PCDHGA9: variants seen among roughly 807,000 people sequenced by gnomAD.
The protein encoded by PCDHGA9 is protocadherin gamma subfamily A, 9.
PCDHGA9 carries 37 observed loss-of-function variants against 62.5 expected under a neutral mutation model. The ratio of observed to expected loss-of-function variants is 0.59; its 90% CI spans 0.46 to 0.78. The LOEUF (loss-of-function observed/expected upper bound fraction) is 0.78. Among genes scored for constraint, PCDHGA9 ranks in the 30% least tolerant of loss-of-function variants. PCDHGA9 has a pLI of 0.00. For synonymous variants in PCDHGA9, 459 were observed against 484.6 expected (o/e 0.95, Z 0.69); for missense variants, 1,138 against 1,166.2 (o/e 0.98, Z 0.35).
chr5:141,402,842 A>G lies in PCDHGA9; in HGVS notation c.-111A>G. On this transcript the variant is annotated 5_prime_UTR_variant, in exon 1 of 4. Coordinates refer to ENST00000573521, the MANE Select transcript of PCDHGA9 (RefSeq NM_018921.3). Reference sequence around the variant, plus strand: ...CTGCTCCCAGGCTGCAGCAAAACTCAGCCTCTTTCTTCTAAGGAAAAGATC... The same window carrying G: ...CTGCTCCCAGGCTGCAGCAAAACTCGGCCTCTTTCTTCTAAGGAAAAGATC... The G allele has an allele frequency of 7.2e-7, 1 of 1,396,816 alleles. No homozygotes were observed. Among genetic ancestry groups the G allele is most frequent in the Non-Finnish European group, 9.4e-7 (1 of 1,064,526 alleles). 86.5% of individuals were successfully genotyped at this position (1,396,816 alleles called of 1,614,324 possible).
At chr5:141,422,640 C>T in intron 1 of PCDHGA9, 1 of 1,612,590 alleles carries the variant, frequency 6.2e-7, no homozygotes, top group South Asian at 1.1e-5. Flanking sequence ...GGGGTGCCTC[C>T]ATCTTCTCAG....
chr5:141,482,530 C>CAAAAAAAAAAAAAAAAAA (rs3074545), intron 1 of PCDHGA9, among the ~76,000 whole-genome samples: 1 of 76,562 alleles, frequency 1.3e-5, no homozygotes, highest in Non-Finnish European at 2.6e-5. Flanking sequence ...GACAGACATG[C>CAAAAAAAAAAAAAAAAAA]AAAAAAAAAA....
At chr5:141,497,464 TGGA>T (rs769464389) in intron 2 of PCDHGA9, among the ~76,000 whole-genome samples, 3 of 151,764 alleles carry the variant, frequency 2.0e-5, no homozygotes, top group Non-Finnish European at 4.4e-5. Context: ...CTTGGAGATA[TGGA>T]GGAGAAGGTG....
chr5:141,485,543 G>C lies in PCDHGA9; in HGVS notation c.2425-9264G>C. 1.9e-6 allele frequency: 3 copies of C among 1,614,092 alleles called. No homozygotes were observed. The highest frequency in any genetic ancestry group is 2.5e-6 in the Non-Finnish European group (3 of 1,179,972). On this transcript the variant is annotated intron_variant, in intron 1 of 3. Coordinates refer to ENST00000573521, the MANE Select transcript of PCDHGA9 (RefSeq NM_018921.3). This position sits in a 1 kb window ranked among gnomAD's most constrained non-coding sequence, Gnocchi z 5.7. Reference sequence around the variant, plus strand: ...AATGTACCGAGCAGAGGTAGAGATCGTAGATGTGAATGATCACGCCCCCCG... The same window carrying C: ...AATGTACCGAGCAGAGGTAGAGATCCTAGATGTGAATGATCACGCCCCCCG...
intron 3 of PCDHGA9, among the ~76,000 whole-genome samples, chr5:141,506,877 G>A (rs998146154): frequency 1.3e-5 from 2 of 152,142 alleles, no homozygotes; most frequent in Non-Finnish European, 2.9e-5. Flanking sequence ...AGAGAACCAG[G>A]TGAAATCACA....
At position 141,490,341 on chromosome 5, in the gene PCDHGA9, A is replaced by C. The variant is rs778299384; in HGVS notation, c.2425-4466A>C. ...TCCTAGAGAGCACACCAGTGGGCACAGTAGTGGGGTTGTTTAATGTGCGAG... is the reference window on the plus strand; with the variant it reads ...TCCTAGAGAGCACACCAGTGGGCACCGTAGTGGGGTTGTTTAATGTGCGAG... On this transcript the variant is annotated intron_variant, in intron 1 of 3. Coordinates refer to ENST00000573521, the MANE Select transcript of PCDHGA9 (RefSeq NM_018921.3). This position sits in a 1 kb window ranked among gnomAD's most constrained non-coding sequence, Gnocchi z 5.4. The C allele has an allele frequency of 5.0e-6, 8 of 1,614,204 alleles. No homozygotes were observed. The South Asian group carries it at 8.8e-5, about 18-fold the overall frequency.
rs1409012917 is a variant in PCDHGA9 at position 141,512,928 on chromosome 5, T to A, written c.*1755T>A. On this transcript the variant is annotated 3_prime_UTR_variant, in exon 4 of 4. Transcript: ENST00000573521. ...CAAGTTTTATACTCTAATATTTATA[T>A]GGCTTTTTTTCTTCGACAAAAAAAT... is the stretch of plus-strand genomic sequence containing the variant. 1.3e-5 allele frequency: 2 copies of A among 152,190 alleles called. No individual in the cohort carries two copies. Among genetic ancestry groups the A allele is most frequent in the Non-Finnish European group, 2.9e-5 (2 of 68,044 alleles). The allele number at this position is 152,190 out of a possible 1,614,324, so 9.4% of individuals were successfully genotyped here.
At position 141,477,886 on chromosome 5, in the gene PCDHGA9, G is replaced by A. The variant is rs2099422999; in HGVS notation, c.2425-16921G>A. 2 of 1,614,188 alleles carry A rather than the reference G, an allele frequency of 1.2e-6. No homozygotes were observed. The highest frequency in any genetic ancestry group is 1.7e-6 in the Non-Finnish European group (2 of 1,180,040). ...GAGGTACCTCAGCTGGCCACCTAGT[G>A]TCACGGGTGGTAGGCTGGGACGCGG... On this transcript the variant is annotated intron_variant, in intron 1 of 3. Transcript: ENST00000573521. The surrounding 1 kb of genome is among the most constrained non-coding windows in gnomAD (Gnocchi z 4.9).
intron 1 of PCDHGA9, among the ~76,000 whole-genome samples, chr5:141,425,504 T>A (rs1049969153): frequency 2.6e-5 from 4 of 152,260 alleles, no homozygotes; most frequent in Non-Finnish European, 5.9e-5. Flanking sequence ...TACCTTTATA[T>A]TCTCTTTATG....
Position 141,491,712 on chromosome 5 carries a change from G to C in PCDHGA9, c.2425-3095G>C. 3.1e-6 allele frequency: 5 copies of C among 1,609,408 alleles called. No individual in the cohort carries two copies. Among genetic ancestry groups the C allele is most frequent in the Middle Eastern group, 1.7e-4 (1 of 6,024 alleles). ...GGGAGCGGAGCCAGGTGAGGGGCTCGGCGCCGCCCCGGGCGACCCCTGGGG... is the reference window on the plus strand; with the variant it reads ...GGGAGCGGAGCCAGGTGAGGGGCTCCGCGCCGCCCCGGGCGACCCCTGGGG... On this transcript the variant is annotated intron_variant, in intron 1 of 3. Transcript: ENST00000573521. The surrounding 1 kb of genome is among the most constrained non-coding windows in gnomAD (Gnocchi z 6.9).
rs200117787 is a variant in PCDHGA9, at chr5:141,477,443, G to T, written c.2425-17364G>T. ...CCCTTCCCTCTCAGCCCTTACAATA[G>T]TGCGTGTTCAAGTGTCCGACATCAA... On this transcript the variant is annotated intron_variant, in intron 1 of 3. Coordinates refer to ENST00000573521, the MANE Select transcript of PCDHGA9 (RefSeq NM_018921.3). This position sits in a 1 kb window ranked among gnomAD's most constrained non-coding sequence, Gnocchi z 4.9. The T allele has an allele frequency of 1.7e-5, 28 of 1,614,136 alleles. No homozygotes were observed. In the East Asian group the frequency reaches 6.2e-4, roughly 36 times the overall value.
intron 1 of PCDHGA9, chr5:141,410,127 T>A (rs761667108): frequency 3.7e-6 from 6 of 1,612,926 alleles, no homozygotes; most frequent in Non-Finnish European, 5.1e-6. Context: ...CGCCAGCGCC[T>A]GCTGGTCGCT....
Position 141,490,254 on chromosome 5 carries a change from G to A in PCDHGA9, c.2425-4553G>A. The A allele has an allele frequency of 6.2e-7, 1 of 1,614,236 alleles. No homozygotes were observed. Among genetic ancestry groups the A allele is most frequent in the Non-Finnish European group, 8.5e-7 (1 of 1,180,038 alleles). ...TGGAGGGCCACTGTGTGATTCAAGT[G>A]GATGTGGGGGATGTCAATGACAATG... On this transcript the variant is annotated intron_variant, in intron 1 of 3. Coordinates refer to ENST00000573521, the MANE Select transcript of PCDHGA9 (RefSeq NM_018921.3). The surrounding 1 kb of genome is among the most constrained non-coding windows in gnomAD (Gnocchi z 5.4).
rs1562144438 is a variant in PCDHGA9, at chr5:141,491,135, G to A, written c.2425-3672G>A. On this transcript the variant is annotated intron_variant, in intron 1 of 3. Transcript: ENST00000573521. The surrounding 1 kb of genome is among the most constrained non-coding windows in gnomAD (Gnocchi z 6.9). Reference sequence around the variant, plus strand: ...CACACTGGTGAGGTGCGCACAGCCCGGGCCTTACTGGAGGATGACTCTGAC... The same window carrying A: ...CACACTGGTGAGGTGCGCACAGCCCAGGCCTTACTGGAGGATGACTCTGAC... 4 of 1,614,104 alleles carry A rather than the reference G, an allele frequency of 2.5e-6. No homozygotes were observed. The highest frequency in any genetic ancestry group is 1.3e-5 in the African/African-American group (1 of 75,034).
chr5:141,487,032 C>T lies in PCDHGA9; in HGVS notation c.2425-7775C>T. 6.2e-7 allele frequency: 1 copy of T among 1,614,210 alleles called. No individual in the cohort carries two copies. The highest frequency in any genetic ancestry group is 1.1e-5 in the South Asian group (1 of 91,084). ...GAGGCCCCAGATCCCAGCCTGTTTG[C>T]AGTCTCTCGATATGCTGGGGAGGTG... On this transcript the variant is annotated intron_variant, in intron 1 of 3. Coordinates refer to ENST00000573521, the MANE Select transcript of PCDHGA9 (RefSeq NM_018921.3). The surrounding 1 kb of genome is among the most constrained non-coding windows in gnomAD (Gnocchi z 5.0).
intron 3 of PCDHGA9, 137 bp from the exon 4 acceptor site, chr5:141,510,810 A>T: frequency 6.6e-7 from 1 of 1,519,768 alleles, no homozygotes; most frequent in African/African-American, 1.4e-5. Context: ...TACCTTGGTG[A>T]CCCCTATATT....
chr5:141,414,855 C>T (rs2095795912), intron 1 of PCDHGA9: 3 of 1,614,236 alleles, frequency 1.9e-6, no homozygotes, highest in Non-Finnish European at 2.5e-6. Flanking sequence ...TGGACCAGAA[C>T]GACAATGCGC....
intron 2 of PCDHGA9, 80 bp downstream of exon 2, chr5:141,494,945 C>G (rs2099757788): frequency 6.2e-7 from 1 of 1,608,958 alleles, no homozygotes; most frequent in Non-Finnish European, 8.5e-7. Flanking sequence ...GGGGGAGGGC[C>G]CAGCATTTGC....
chr5:141,481,736 G>A (rs569415213), intron 1 of PCDHGA9, among the ~76,000 whole-genome samples: 23 of 151,934 alleles, frequency 1.5e-4, no homozygotes, highest in African/African-American at 4.3e-4. Flanking sequence ...GGCGGATCAC[G>A]AGGTCAGGAG....
Sources: gnomAD v4.1 joint callset for allele counts (sites outside exome capture counted in the v4.1 genomes callset) on GRCh38, gnomAD v4.1.1 for gene constraint, Gnocchi (gnomAD v3.1) non-coding constraint, MANE v1.5 for transcripts, NCBI Gene and HGNC (gene_info 2026-07-23, HGNC 2026-07-21) for gene names.